Variants in MBD5 observed in about 807,000 individuals in gnomAD.
MBD5 encodes methyl-CpG-binding domain protein 5.
MBD5 carries 13 observed loss-of-function variants against 117.3 expected under a neutral mutation model. That is an observed-to-expected ratio of 0.11 (90% CI 0.07 to 0.18). The LOEUF is 0.18. Among genes scored for constraint, MBD5 ranks in the 10% least tolerant of loss-of-function variants. The probability of loss-of-function intolerance (pLI) is 1.00; values close to 1 mark genes in which losing one functional copy is unlikely to be tolerated. For missense variants in MBD5, 1,879 were observed against 2,093.8 expected (o/e 0.90, Z 2.00); for synonymous variants, 727 against 766.4 (o/e 0.95, Z 0.85).
chr2:148,118,633 T>C (rs141676280), intron 1 of MBD5, among the ~76,000 whole-genome samples: 99 of 152,044 alleles, frequency 6.5e-4, no homozygotes, highest in Non-Finnish European at 1.2e-3. Context: ...TTTTGGCTTG[T>C]ATTACCCGTC....
intron 4 of MBD5, among the ~76,000 whole-genome samples, chr2:148,411,745 A>G (rs1266946000): frequency 6.6e-6 from 1 of 151,866 alleles, no homozygotes; most frequent in African/African-American, 2.4e-5. Flanking sequence ...TGGATATTAG[A>G]ACTTTTTCAG....
At chr2:148,247,821 G>T (rs1316160512) in intron 3 of MBD5, among the ~76,000 whole-genome samples, 1 of 151,988 alleles carries the variant, frequency 6.6e-6, no homozygotes, top group East Asian at 1.9e-4. Context: ...TAATGTAAAG[G>T]ATAAAGCTGA....
intron 3 of MBD5, among the ~76,000 whole-genome samples, chr2:148,341,779 A>G (rs13432173): frequency 0.15 from 23,459 of 151,868 alleles, 2,144 homozygotes; most frequent in Non-Finnish European, 0.18. Flanking sequence ...GTATCATTAT[A>G]GTGATCACCA....
At chr2:148,304,193 TG>T (rs1362554380) in intron 3 of MBD5, among the ~76,000 whole-genome samples, 2 of 152,354 alleles carry the variant, frequency 1.3e-5, no homozygotes, top group East Asian at 3.9e-4. Flanking sequence ...ACCCAGGCAC[TG>T]TTTTAAGTGT....
intron 4 of MBD5, among the ~76,000 whole-genome samples, chr2:148,457,905 A>T (rs1706935517): frequency 6.6e-6 from 1 of 152,132 alleles, no homozygotes; most frequent in African/African-American, 2.4e-5. Context: ...TCAAGTTAGA[A>T]GGAGGCCTTA....
intron 4 of MBD5, among the ~76,000 whole-genome samples, chr2:148,392,019 T>C (rs920854043): frequency 6.6e-6 from 1 of 152,196 alleles, no homozygotes; most frequent in Non-Finnish European, 1.5e-5. Flanking sequence ...ATAGCACATA[T>C]GTAAATTTTT....
At chr2:148,201,451 C>T (rs980992736) in intron 2 of MBD5, among the ~76,000 whole-genome samples, 12 of 152,254 alleles carry the variant, frequency 7.9e-5, no homozygotes, top group African/African-American at 2.2e-4. Context: ...GTCTGCAGCC[C>T]GACAGACAGA....
intron 1 of MBD5, among the ~76,000 whole-genome samples, chr2:148,084,927 A>G (rs1695739728): frequency 6.6e-6 from 1 of 152,228 alleles, no homozygotes; most frequent in Non-Finnish European, 1.5e-5. Flanking sequence ...GTGGAGTCCA[A>G]TTTGAAGTCA....
chr2:148,245,123 C>T (rs567351034), intron 3 of MBD5, among the ~76,000 whole-genome samples: 1 of 152,278 alleles, frequency 6.6e-6, no homozygotes, highest in Admixed American at 6.5e-5. Flanking sequence ...CTGTGGCTCA[C>T]GCCTGTAATC....
chr2:148,295,488 G>A (rs770790029), intron 3 of MBD5, among the ~76,000 whole-genome samples: 38 of 152,136 alleles, frequency 2.5e-4, no homozygotes, highest in Non-Finnish European at 4.4e-4. Flanking sequence ...AAAAATTGGT[G>A]TTTGATTCTC....
rs116305851 is a variant in MBD5, at chr2:148,322,635, C to A, written c.-679-19579C>A. 8.3e-3 allele frequency among the ~76,000 whole-genome samples: 1,268 copies of A among 152,230 alleles called. 22 individuals carry two copies. Among genetic ancestry groups the A allele is most frequent in the African/African-American group, 0.029 (1,222 of 41,544 alleles). On this transcript the variant is annotated intron_variant, in intron 3 of 13. Transcript: ENST00000642680. ...TCAGTGGCAGTTTGGAAACTGTAGA[C>A]TTACTCCATGTGCATTGCCTTTGCA...
chr2:148,500,270 TTA>T (rs931573262), intron 11 of MBD5, among the ~76,000 whole-genome samples: 1 of 151,980 alleles, frequency 6.6e-6, no homozygotes, highest in African/African-American at 2.4e-5. Context: ...TGTGTGTATT[TTA>T]TATATGTGTG....
chr2:148,426,786 C>T (rs1415071021), intron 4 of MBD5, among the ~76,000 whole-genome samples: 4 of 152,062 alleles, frequency 2.6e-5, no homozygotes, highest in African/African-American at 9.7e-5. Flanking sequence ...GCAACAAAAG[C>T]CAGAATTGAC....
At chr2:148,487,930 T>G (rs1025193575) in intron 10 of MBD5, among the ~76,000 whole-genome samples, 3 of 151,956 alleles carry the variant, frequency 2.0e-5, no homozygotes, top group Non-Finnish European at 4.4e-5. Flanking sequence ...CAGCAGGGGG[T>G]CGGGGGTAGG....
intron 3 of MBD5, among the ~76,000 whole-genome samples, chr2:148,293,147 CAAAAAAAAAA>C (rs35179123): frequency 1.2e-5 from 1 of 84,926 alleles, no homozygotes; most frequent in Non-Finnish European, 2.3e-5. Flanking sequence ...AACCTTGCCT[CAAAAAAAAAA>C]AAAAAAAAAA....
chr2:148,342,752 T>A (rs186605098), intron 4 of MBD5, among the ~76,000 whole-genome samples: 88 of 152,036 alleles, frequency 5.8e-4, no homozygotes, highest in Non-Finnish European at 9.1e-4. Context: ...TCAGCCTTTT[T>A]AAAAAAAATT....
intron 4 of MBD5, among the ~76,000 whole-genome samples, chr2:148,423,318 G>A (rs1705670280): frequency 6.6e-6 from 1 of 151,542 alleles, no homozygotes. Flanking sequence ...TTTTTTAAAG[G>A]CTAAAATATT....
At chr2:148,310,531 C>T (rs1702003601) in intron 3 of MBD5, among the ~76,000 whole-genome samples, 1 of 152,056 alleles carries the variant, frequency 6.6e-6, no homozygotes, top group South Asian at 2.1e-4. Context: ...TGATTCTTCT[C>T]TCTTTTCTTC....
At chr2:148,244,196 G>C (rs547316305) in intron 3 of MBD5, 1 of 152,044 alleles carries the variant, frequency 6.6e-6, no homozygotes, top group African/African-American at 2.4e-5. Context: ...TTGAACTCTG[G>C]TTTCTTCATC....
Sources: gnomAD v4.1 joint callset for allele counts (sites outside exome capture counted in the v4.1 genomes callset) on GRCh38, gnomAD v4.1.1 for gene constraint, MANE v1.5 for transcripts, NCBI Gene and HGNC (gene_info 2026-07-23, HGNC 2026-07-21) for gene names.